MAST4: variants seen among roughly 807,000 people sequenced by gnomAD.
MAST4 encodes microtubule-associated serine/threonine-protein kinase 4.
A neutral mutation model predicts 162.7 loss-of-function variants in MAST4; 89 were observed. The observed-to-expected ratio is 0.55, with a 90% confidence interval of 0.46 to 0.65. The LOEUF is 0.65. Among genes scored for constraint, MAST4 ranks in the 30% least tolerant of loss-of-function variants. The probability of loss-of-function intolerance (pLI) is 0.00; values close to 1 mark genes in which losing one functional copy is unlikely to be tolerated. For missense variants in MAST4, 3,153 were observed against 3,374.0 expected, an observed-to-expected ratio of 0.93 and a Z score of 1.62; for synonymous variants, 1,479 against 1,361.1, an observed-to-expected ratio of 1.09 and a Z score of -1.91.
chr5:66,898,341 A>C (rs925031551), intron 3 of MAST4, among the ~76,000 whole-genome samples: 5 of 152,324 alleles, frequency 3.3e-5, no homozygotes, highest in African/African-American at 1.2e-4. Flanking sequence ...ACTTCTAGGA[A>C]GTTCTCTCTT....
At chr5:66,907,542 G>A (rs942715930) in intron 4 of MAST4, among the ~76,000 whole-genome samples, 3 of 151,128 alleles carry the variant, frequency 2.0e-5, no homozygotes, top group Non-Finnish European at 2.9e-5. Flanking sequence ...TTTGACACAA[G>A]ATAGGAAGTG....
At chr5:66,673,516 G>GTTT (rs1422436456) in intron 1 of MAST4, among the ~76,000 whole-genome samples, 18 of 134,778 alleles carry the variant, frequency 1.3e-4, no homozygotes, top group East Asian at 1.3e-3. Flanking sequence ...AGTTTTTTTT[G>GTTT]TTTTTTGTTT....
In MAST4 at chr5:67,142,552, A is replaced by G. The variant is rs1770525447; in HGVS notation, c.2730+19A>G. ...TTCAAAAGTAAGTGAAATGTGGCAT[A>G]AACATACAGAGTCTCTCTGGGAGGA... On this transcript the variant is annotated intron_variant, in intron 21 of 28. Transcript: ENST00000403625. The G allele has an allele frequency of 6.9e-7, 1 of 1,450,236 alleles. No homozygotes were observed. Among genetic ancestry groups the G allele is most frequent in the African/African-American group, 1.4e-5 (1 of 71,440 alleles). 89.8% of individuals were successfully genotyped at this position (1,450,236 alleles called of 1,614,324 possible).
intron 1 of MAST4, among the ~76,000 whole-genome samples, chr5:66,751,095 G>A (rs258270): frequency 0.93 from 140,587 of 151,776 alleles, 65,382 homozygotes; most frequent in African/African-American, 0.98. Context: ...CCTGTCTGTT[G>A]GAAGGAAAAC....
intron 4 of MAST4, among the ~76,000 whole-genome samples, chr5:67,035,478 C>G (rs371586273): frequency 1.3e-5 from 2 of 152,214 alleles, no homozygotes; most frequent in Non-Finnish European, 2.9e-5. Flanking sequence ...GCGGGATCTA[C>G]TATGTCAAGT....
At chr5:66,606,065 T>G (rs1742860912) in intron 1 of MAST4, among the ~76,000 whole-genome samples, 1 of 152,066 alleles carries the variant, frequency 6.6e-6, no homozygotes, top group South Asian at 2.1e-4. Context: ...ATCACCAGTT[T>G]CTGTGTATCA....
chr5:67,087,258 GT>G (rs1561634698), intron 5 of MAST4, among the ~76,000 whole-genome samples: 1 of 151,996 alleles, frequency 6.6e-6, no homozygotes, highest in East Asian at 1.9e-4. Context: ...TTTTTCACTC[GT>G]TTCTAATCTG....
chr5:66,889,220 G>C (rs534395574), intron 3 of MAST4, among the ~76,000 whole-genome samples: 1 of 152,256 alleles, frequency 6.6e-6, no homozygotes, highest in East Asian at 1.9e-4. Context: ...GAGCCTTGTG[G>C]GGCACAGCTG....
At chr5:67,146,241 G>A (rs1207048524) in intron 23 of MAST4, among the ~76,000 whole-genome samples, 1 of 152,204 alleles carries the variant, frequency 6.6e-6, no homozygotes, top group Non-Finnish European at 1.5e-5. Context: ...TTCCTGACAA[G>A]AGGAACAGTG....
intron 2 of MAST4, among the ~76,000 whole-genome samples, chr5:66,786,952 CA>C (rs1194332621): frequency 9.9e-5 from 15 of 152,156 alleles, no homozygotes; most frequent in East Asian, 3.9e-4. Context: ...ATCAGTATCA[CA>C]TTTTTTTTGC....
intron 4 of MAST4, among the ~76,000 whole-genome samples, chr5:67,013,215 T>C (rs1317034604): frequency 6.6e-6 from 1 of 152,226 alleles, no homozygotes; most frequent in African/African-American, 2.4e-5. Context: ...ATTCTGAAGT[T>C]CTTGAATAAG....
chr5:66,657,389 C>T (rs1168408718), intron 1 of MAST4, among the ~76,000 whole-genome samples: 1 of 152,086 alleles, frequency 6.6e-6, no homozygotes, highest in Admixed American at 6.6e-5. Context: ...TGGACAATAC[C>T]CAGAGACCCC....
intron 3 of MAST4, among the ~76,000 whole-genome samples, chr5:66,889,630 C>G (rs976092080): frequency 6.6e-6 from 1 of 152,044 alleles, no homozygotes; most frequent in Non-Finnish European, 1.5e-5. Flanking sequence ...GGTCACATAC[C>G]CTTGCTCTTT....
chr5:66,697,051 A>T (rs1450057636), intron 1 of MAST4, among the ~76,000 whole-genome samples: 1 of 152,260 alleles, frequency 6.6e-6, no homozygotes, highest in African/African-American at 2.4e-5. Context: ...CACTTGTGCG[A>T]TCGGTGGACA....
At chr5:67,004,739 C>A in intron 4 of MAST4, 1 of 451,062 alleles carries the variant, frequency 2.2e-6, no homozygotes, top group South Asian at 2.4e-5. Flanking sequence ...GAGGGCAGAC[C>A]CGAGAGGAAA....
intron 12 of MAST4, among the ~76,000 whole-genome samples, chr5:67,117,877 CTAAA>C (rs572942301): frequency 3.3e-5 from 5 of 152,232 alleles, no homozygotes; most frequent in Admixed American, 2.0e-4. Context: ...TCTCTTTTAA[CTAAA>C]TAGTCAGGGT....
chr5:66,970,484 G>T (rs1029372971), intron 4 of MAST4, among the ~76,000 whole-genome samples: 1 of 152,176 alleles, frequency 6.6e-6, no homozygotes, highest in Non-Finnish European at 1.5e-5. Context: ...TTTTAGGTCC[G>T]TGGGGTCTTG....
chr5:66,709,350 C>T (rs1455796043), intron 1 of MAST4, among the ~76,000 whole-genome samples: 1 of 152,190 alleles, frequency 6.6e-6, no homozygotes. Context: ...GGATCTTGCT[C>T]TGTTGCCCAG....
intron 1 of MAST4, among the ~76,000 whole-genome samples, chr5:66,718,457 C>G (rs905445664): frequency 2.6e-5 from 4 of 151,944 alleles, no homozygotes; most frequent in African/African-American, 9.7e-5. Context: ...CCAGGAGAGG[C>G]TGATATGAGA....
Sources: allele counts gnomAD v4.1 joint callset (sites outside exome capture counted in the v4.1 genomes callset), GRCh38; gene constraint gnomAD v4.1.1; transcripts MANE v1.5; gene names NCBI Gene and HGNC (gene_info 2026-07-23, HGNC 2026-07-21).